The following MYO1F variants were observed in gnomAD, a reference collection of about 807,000 sequenced individuals.
MYO1F encodes the protein unconventional myosin-If.
MYO1F carries 60 observed loss-of-function variants against 146.6 expected under a neutral mutation model. The ratio of observed to expected loss-of-function variants is 0.41; its 90% CI spans 0.33 to 0.51. The LOEUF (loss-of-function observed/expected upper bound fraction) is 0.51. MYO1F is among the 20% of genes least tolerant of loss of function. MYO1F has a pLI of 0.25. For missense variants in MYO1F, 1,274 were observed against 1,534.3 expected (o/e 0.83, Z 2.83); for synonymous variants, 602 against 602.1 (o/e 1.00, Z 0.00).
chr19:8,542,613 T>G (rs952587495), intron 14 of MYO1F, among the ~76,000 whole-genome samples: 9 of 151,722 alleles, frequency 5.9e-5, no homozygotes, highest in Admixed American at 2.0e-4. Flanking sequence ...GCTTTTTTTT[T>G]TTTTTGAGAA....
intron 1 of MYO1F, among the ~76,000 whole-genome samples, chr19:8,559,196 A>G (rs970866540): frequency 1.3e-5 from 2 of 151,580 alleles, no homozygotes; most frequent in African/African-American, 4.8e-5. Flanking sequence ...TGAAGTCTTT[A>G]AAGTGGACTG....
intron 21 of MYO1F, 121 bp from the exon 22 acceptor site, chr19:8,527,604 G>T: frequency 8.0e-7 from 1 of 1,252,950 alleles, no homozygotes. Context: ...AGCCCTCCAG[G>T]TGAAGGTGTA....
At chr19:8,574,699 C>CTCTTTCTTTCTTTTTCTTTCTCTT (rs1294051690) in intron 1 of MYO1F, among the ~76,000 whole-genome samples, 2 of 137,546 alleles carry the variant, frequency 1.5e-5, no homozygotes, top group Non-Finnish European at 3.1e-5. Context: ...TTCTCTTTCT[C>CTCTTTCTTTCTTTTTCTTTCTCTT]TCTTTCTTTC....
At chr19:8,563,294 CTTTTTTT>C (rs938198498) in intron 1 of MYO1F, among the ~76,000 whole-genome samples, 5 of 118,652 alleles carry the variant, frequency 4.2e-5, no homozygotes. Context: ...TGCTTGGCCA[CTTTTTTT>C]TTTTTTTTTT....
At chr19:8,568,462 T>A (rs2042050060) in intron 1 of MYO1F, among the ~76,000 whole-genome samples, 2 of 147,830 alleles carry the variant, frequency 1.4e-5, no homozygotes, top group African/African-American at 5.0e-5. Flanking sequence ...ACAGGCTGTT[T>A]GCATCGAAGG....
rs1173391805 is a variant in MYO1F at position 8,567,152 on chromosome 19, C to T, written c.3+10155G>A. ...CTTTGGCTTACTGCAACCTCCGTCT[C>T]CCAGGTTCAAGCAATTCCAATTCTC... On this transcript the variant is annotated intron_variant, in intron 1 of 27. Coordinates refer to ENST00000644032, the MANE Select transcript of MYO1F (RefSeq NM_012335.4). Among the ~76,000 whole-genome samples the T allele has an allele frequency of 2.0e-5, 3 of 150,856 alleles. No homozygotes were observed. In the East Asian group the frequency reaches 5.8e-4, roughly 29 times the overall value.
intron 1 of MYO1F, among the ~76,000 whole-genome samples, chr19:8,558,474 A>ACT (rs1973947910): frequency 6.6e-6 from 1 of 151,994 alleles, no homozygotes; most frequent in Non-Finnish European, 1.5e-5. Flanking sequence ...CCCAGACGAC[A>ACT]CTTTCTTTAG....
chr19:8,544,407 C>T lies in MYO1F; in HGVS notation c.1414G>A (p.Gly472Ser). ...AGCAGTGTCTGGTCTGCTCCCCCGC[C>T]CGTGGCGTGCATGGTGGCGCACACG... ...DDVCATMHAT[G>S]GGADQTLLQK... Residue 472 changes from glycine to serine, a missense_variant, in exon 14 of 28, where the codon GGC (glycine) becomes AGC (serine). By Grantham distance (56) the Gly-to-Ser change is moderately conservative. Coordinates refer to ENST00000644032, the MANE Select transcript of MYO1F (RefSeq NM_012335.4). 6.2e-7 allele frequency: 1 copy of T among 1,612,922 alleles called. No homozygotes were observed. Among genetic ancestry groups the T allele is most frequent in the Non-Finnish European group, 8.5e-7 (1 of 1,179,866 alleles).
intron 1 of MYO1F, among the ~76,000 whole-genome samples, chr19:8,558,726 C>T (rs539851234): frequency 6.6e-6 from 1 of 152,220 alleles, no homozygotes; most frequent in East Asian, 1.9e-4. Context: ...TGTCTCTCCT[C>T]CTGGAAGCCC....
At chr19:8,575,201 C>T (rs902378815) in intron 1 of MYO1F, among the ~76,000 whole-genome samples, 13 of 151,480 alleles carry the variant, frequency 8.6e-5, no homozygotes, top group African/African-American at 2.7e-4. Context: ...CTCAGCCTCC[C>T]GAGTAGCTAG....
chr19:8,543,191 A>G (rs1289436924), intron 14 of MYO1F, among the ~76,000 whole-genome samples: 1 of 152,204 alleles, frequency 6.6e-6, no homozygotes, highest in Admixed American at 6.5e-5. Flanking sequence ...GGCGTGAGCC[A>G]CCACTCCCAG....
intron 19 of MYO1F, among the ~76,000 whole-genome samples, chr19:8,535,572 G>T (rs766471083): frequency 6.6e-6 from 1 of 151,786 alleles, no homozygotes; most frequent in African/African-American, 2.4e-5. Flanking sequence ...ACCTGACTTG[G>T]TGCTAGTTTT....
In MYO1F at chr19:8,577,331, C is replaced by T; in HGVS notation, c.-22G>A. 6.2e-7 allele frequency: 1 copy of T among 1,613,868 alleles called. No individual in the cohort carries two copies. Among genetic ancestry groups the T allele is most frequent in the Non-Finnish European group, 8.5e-7 (1 of 1,179,922 alleles). On this transcript the variant is annotated 5_prime_UTR_variant, in exon 1 of 28. Coordinates refer to ENST00000644032, the MANE Select transcript of MYO1F (RefSeq NM_012335.4). The surrounding 1 kb of genome is among the most constrained non-coding windows in gnomAD (Gnocchi z 4.3). The stretch of plus-strand genomic sequence containing the variant: ...CCATGGTGGGGGGCTGGTGTCTGGG[C>T]TCCTGGAGGCTCCTGAATGGGTCGT...
intron 1 of MYO1F, among the ~76,000 whole-genome samples, chr19:8,558,115 T>C (rs1245456129): frequency 6.6e-6 from 1 of 152,106 alleles, no homozygotes; most frequent in Non-Finnish European, 1.5e-5. Flanking sequence ...CAGCACCTTC[T>C]TAGGTTGCCA....
chr19:8,532,120 G>A (rs1441810703), intron 19 of MYO1F, among the ~76,000 whole-genome samples: 6 of 150,422 alleles, frequency 4.0e-5, no homozygotes, highest in Non-Finnish European at 5.9e-5. Context: ...TCAGTCCCCC[G>A]ACCCCTGAAA....
chr19:8,555,185 A>G (rs535034502), intron 2 of MYO1F, among the ~76,000 whole-genome samples: 36 of 147,522 alleles, frequency 2.4e-4, no homozygotes, highest in African/African-American at 9.6e-4. Flanking sequence ...AGTCTCAAAA[A>G]CAAAACACAA....
chr19:8,555,497 GC>G, intron 2 of MYO1F, 161 bp downstream of exon 2: 1 of 895,872 alleles, frequency 1.1e-6, no homozygotes, highest in Non-Finnish European at 1.7e-6. Flanking sequence ...AGCCACAGCT[GC>G]CCCCAACCAG....
At chr19:8,540,362 T>G (rs1972908486) in intron 15 of MYO1F, 2 of 179,986 alleles carry the variant, frequency 1.1e-5, no homozygotes, top group Admixed American at 1.2e-4. Context: ...TTTATTTCCT[T>G]TATTTTTTCT....
intron 24 of MYO1F, 147 bp from the exon 25 acceptor site, chr19:8,525,709 TC>T (rs1233292996): frequency 2.7e-6 from 2 of 752,942 alleles, no homozygotes; most frequent in Admixed American, 4.0e-5. Flanking sequence ...TTACACTGGC[TC>T]CGCCCACTAA....
Sources: gnomAD v4.1 joint callset for allele counts (sites outside exome capture counted in the v4.1 genomes callset) on GRCh38, gnomAD v4.1.1 for gene constraint, Gnocchi (gnomAD v3.1) non-coding constraint, MANE v1.5 for transcripts, NCBI Gene and HGNC (gene_info 2026-07-23, HGNC 2026-07-21) for gene names.